The following GPATCH8 variants were observed in gnomAD, a reference collection of about 807,000 sequenced individuals.
The protein encoded by GPATCH8 is G patch domain-containing protein 8.
A neutral mutation model predicts 118.3 loss-of-function variants in GPATCH8; 18 were observed. That is an observed-to-expected ratio of 0.15 (90% CI 0.11 to 0.23). The LOEUF (loss-of-function observed/expected upper bound fraction) is 0.23. Among genes scored for constraint, GPATCH8 ranks in the 10% least tolerant of loss-of-function variants. The pLI, the probability that GPATCH8 is intolerant of heterozygous loss-of-function variation, is 1.00. For synonymous variants in GPATCH8, 659 were observed against 684.7 expected (o/e 0.96, Z 0.59); for missense variants, 1,631 against 1,873.8 (o/e 0.87, Z 2.39).
chr17:44,398,232 T>A lies in GPATCH8; in HGVS notation c.3845A>T (p.Tyr1282Phe). 1.2e-6 allele frequency: 2 copies of A among 1,612,992 alleles called. No individual in the cohort carries two copies. The highest frequency in any genetic ancestry group is 4.5e-5 in the East Asian group (2 of 44,850). ...IAPDLEHFPSYAPPSGDPSIE... is the reference protein window; with the variant it reads ...IAPDLEHFPSFAPPSGDPSIE... ...ACTAGGATCCCCACTGGGAGGTGCA[T>A]AACTGGGGAAATGCTCAAGGTCTGG... Residue 1282 changes from tyrosine (Y) to phenylalanine (F), a missense_variant, in exon 8 of 8, where the codon TAT becomes TTT. By Grantham distance (22) the Tyr-to-Phe change is conservative (BLOSUM62 3). Around this residue, in one of 8 missense-constraint regions of GPATCH8, gnomAD observed 922 missense variants for 879.7 expected, o/e 1.05. Coordinates refer to ENST00000591680, the MANE Select transcript of GPATCH8 (RefSeq NM_001002909.4).
chr17:44,428,270 A>G (rs1308432873), intron 5 of GPATCH8, among the ~76,000 whole-genome samples: 1 of 151,872 alleles, frequency 6.6e-6, no homozygotes, highest in Non-Finnish European at 1.5e-5. Context: ...AGGTGGGTGG[A>G]TCACCTGAGG....
chr17:44,416,067 A>G (rs917718348), intron 6 of GPATCH8, among the ~76,000 whole-genome samples: 1 of 152,162 alleles, frequency 6.6e-6, no homozygotes, highest in Non-Finnish European at 1.5e-5. Context: ...TAGCGGTACT[A>G]TATTGGCTCA....
intron 7 of GPATCH8, among the ~76,000 whole-genome samples, chr17:44,404,914 G>C (rs2049161185): frequency 6.6e-6 from 1 of 152,118 alleles, no homozygotes; most frequent in Admixed American, 6.6e-5. Flanking sequence ...ACTAGAAGCT[G>C]GGAAGGGCGG....
chr17:44,416,991 A>C lies in GPATCH8; in HGVS notation c.492+7358T>G, dbSNP rs1272085301. ...CAGAAAGAAGAGGGAGGCTAAAAGC[A>C]TATTCCTCTGACTGAGATACTGAAT... On this transcript the variant is annotated intron_variant, in intron 6 of 7. Coordinates refer to ENST00000591680, the MANE Select transcript of GPATCH8 (RefSeq NM_001002909.4). 3.3e-5 allele frequency among the ~76,000 whole-genome samples: 5 copies of C among 152,198 alleles called. No individual in the cohort carries two copies. In the East Asian group the frequency reaches 9.6e-4, roughly 29 times the overall value.
chr17:44,430,233 T>G (rs1438688172), intron 5 of GPATCH8, among the ~76,000 whole-genome samples: 1 of 152,172 alleles, frequency 6.6e-6, no homozygotes, highest in Non-Finnish European at 1.5e-5. Context: ...ACAAGAAAAC[T>G]ACAGACTAAT....
At chr17:44,418,776 T>C (rs2049787026) in intron 6 of GPATCH8, among the ~76,000 whole-genome samples, 1 of 152,206 alleles carries the variant, frequency 6.6e-6, no homozygotes, top group Non-Finnish European at 1.5e-5. Flanking sequence ...CTATTGAGCA[T>C]TCAGGTGTTA....
intron 3 of GPATCH8, among the ~76,000 whole-genome samples, chr17:44,442,682 C>T (rs2050743667): frequency 6.6e-6 from 1 of 152,216 alleles, no homozygotes; most frequent in Non-Finnish European, 1.5e-5. Flanking sequence ...TCAGGCTGGT[C>T]TCAAACTCCT....
At chr17:44,492,501 G>A (rs904023294) in intron 1 of GPATCH8, among the ~76,000 whole-genome samples, 3 of 151,996 alleles carry the variant, frequency 2.0e-5, no homozygotes, top group Admixed American at 1.3e-4. Flanking sequence ...GAACCTGGGA[G>A]GCGGAGCTTG....
chr17:44,413,697 G>A (rs1239227026), intron 6 of GPATCH8, among the ~76,000 whole-genome samples: 1 of 152,028 alleles, frequency 6.6e-6, no homozygotes, highest in East Asian at 1.9e-4. Context: ...CATGATCTCT[G>A]TAGCCTCCAC....
chr17:44,475,799 G>A (rs1032399507), intron 1 of GPATCH8, among the ~76,000 whole-genome samples: 1 of 152,316 alleles, frequency 6.6e-6, no homozygotes, highest in African/African-American at 2.4e-5. Flanking sequence ...GCTGAGGCGG[G>A]AAGATCACTT....
intron 3 of GPATCH8, among the ~76,000 whole-genome samples, chr17:44,446,712 G>A (rs2050897210): frequency 6.6e-6 from 1 of 152,130 alleles, no homozygotes. Context: ...ACAATCAAAT[G>A]CCTTCTTAAA....
chr17:44,439,584 A>G (rs2050620456), intron 3 of GPATCH8, among the ~76,000 whole-genome samples: 1 of 152,180 alleles, frequency 6.6e-6, no homozygotes, highest in Non-Finnish European at 1.5e-5. Context: ...AAAAGACACC[A>G]AACACTACAT....
chr17:44,473,293 C>G (rs915251353), intron 2 of GPATCH8: 1 of 152,090 alleles, frequency 6.6e-6, no homozygotes, highest in African/African-American at 2.4e-5. Flanking sequence ...TGCCACCATG[C>G]CCGGCTAATT....
rs771618863 is a variant in GPATCH8, at chr17:44,397,931, ATGT to A, written c.4143_4145del (p.Gln1381del). 3 of 1,613,048 alleles carry A rather than the reference ATGT, an allele frequency of 1.9e-6. No individual in the cohort carries two copies. Among genetic ancestry groups the A allele is most frequent in the South Asian group, 1.1e-5 (1 of 91,054 alleles). On this transcript the variant is annotated inframe_deletion, in exon 8 of 8. Coordinates refer to ENST00000591680, the MANE Select transcript of GPATCH8 (RefSeq NM_001002909.4). ...TGGCGGCAGCAGCTGCGGCAGCATG[ATGT>A]TGTAGGATGGCATGCTGAACAGTTG...
chr17:44,417,319 T>A (rs1317533931), intron 6 of GPATCH8, among the ~76,000 whole-genome samples: 2 of 152,192 alleles, frequency 1.3e-5, no homozygotes, highest in Admixed American at 6.5e-5. Flanking sequence ...CTAAATCATG[T>A]ATTAATAGAC....
At chr17:44,475,443 A>G (rs575792025) in intron 1 of GPATCH8, among the ~76,000 whole-genome samples, 4 of 152,108 alleles carry the variant, frequency 2.6e-5, no homozygotes, top group African/African-American at 9.6e-5. Context: ...TCACGCCTGT[A>G]ATCCTAGCAC....
chr17:44,430,332 C>T lies in GPATCH8; in HGVS notation c.348+4733G>A, dbSNP rs559222051. On this transcript the variant is annotated intron_variant, in intron 5 of 7. Coordinates refer to ENST00000591680, the MANE Select transcript of GPATCH8 (RefSeq NM_001002909.4). ...TATTAAAAGGCGAAGTGGGATTTAT[C>T]CCAGGAACTCAATGTTGGTTCAACA... Among the ~76,000 whole-genome samples, 102 of 152,120 alleles carry T rather than the reference C, an allele frequency of 6.7e-4. 1 individual carries two copies. The highest frequency in any genetic ancestry group is 2.4e-3 in the African/African-American group (101 of 41,504).
At chr17:44,467,174 G>A (rs1009323666) in intron 2 of GPATCH8, 5 of 521,980 alleles carry the variant, frequency 9.6e-6, no homozygotes, top group African/African-American at 4.2e-5. Flanking sequence ...ACTAATGGTC[G>A]TTTTTTTTTT....
chr17:44,488,454 C>T (rs1259351513), intron 1 of GPATCH8, among the ~76,000 whole-genome samples: 2 of 151,868 alleles, frequency 1.3e-5, no homozygotes, highest in South Asian at 2.1e-4. Context: ...CTGCAACCTT[C>T]GCCCCCTGGG....
Sources: allele counts gnomAD v4.1 joint callset (sites outside exome capture counted in the v4.1 genomes callset), GRCh38; gene constraint gnomAD v4.1.1; regional missense constraint gnomAD v4.1.1; transcripts MANE v1.5; gene names NCBI Gene and HGNC (gene_info 2026-07-23, HGNC 2026-07-21).